SGCZ: variants seen among roughly 807,000 people sequenced by gnomAD.
The protein encoded by SGCZ is zeta-sarcoglycan.
Under a neutral mutation model 41.3 loss-of-function variants are expected in SGCZ, and 40 were observed. That is an observed-to-expected ratio of 0.97 (90% confidence interval 0.75 to 1.26). The LOEUF (loss-of-function observed/expected upper bound fraction) is 1.26, where lower values mean the gene tolerates loss of function less well. Ranked by LOEUF, SGCZ falls within the 50% of genes most tolerant of loss-of-function variation. SGCZ has a pLI of 0.00. For synonymous variants in SGCZ, 206 were observed against 137.5 expected (o/e 1.50, Z -3.49); for missense variants, 552 against 369.8 (o/e 1.49, Z -4.04).
rs1765981189 is a variant in SGCZ, at chr8:14,086,282, T to C, written c.*4161A>G. On this transcript the variant is annotated 3_prime_UTR_variant, in exon 8 of 8. Coordinates refer to ENST00000382080, the MANE Select transcript of SGCZ (RefSeq NM_139167.4). Reference sequence around the variant, plus strand: ...AATGATTTTAATAATTTAACATTATTATGTTGACATTCTCTGCTATGAAAT... The same window carrying C: ...AATGATTTTAATAATTTAACATTATCATGTTGACATTCTCTGCTATGAAAT... Among the ~76,000 whole-genome samples the C allele has an allele frequency of 6.6e-6, 1 of 151,722 alleles. No individual in the cohort carries two copies. The highest frequency in any genetic ancestry group is 1.5e-5 in the Non-Finnish European group (1 of 67,760).
intron 1 of SGCZ, among the ~76,000 whole-genome samples, chr8:14,881,321 T>G (rs751075392): frequency 3.9e-5 from 6 of 152,108 alleles, no homozygotes; most frequent in Non-Finnish European, 8.8e-5. Flanking sequence ...AAAGAGGCTT[T>G]ATTTGTTTTT....
chr8:14,310,087 G>T (rs13255247), intron 3 of SGCZ, among the ~76,000 whole-genome samples: 1 of 151,902 alleles, frequency 6.6e-6, no homozygotes, highest in Non-Finnish European at 1.5e-5. Context: ...TATTTTGCTG[G>T]TTTGAAAGAT....
intron 1 of SGCZ, among the ~76,000 whole-genome samples, chr8:14,775,311 T>C (rs1380822559): frequency 6.6e-6 from 1 of 152,164 alleles, no homozygotes; most frequent in African/African-American, 2.4e-5. Flanking sequence ...TTCTAAATAG[T>C]AATATTGAGC....
chr8:14,447,911 G>T (rs1299696568), intron 2 of SGCZ, among the ~76,000 whole-genome samples: 5 of 152,108 alleles, frequency 3.3e-5, no homozygotes, highest in Non-Finnish European at 7.4e-5. Context: ...CACCTCATAT[G>T]ACTTATATGG....
At chr8:14,852,735 A>G (rs1803378702) in intron 1 of SGCZ, among the ~76,000 whole-genome samples, 1 of 152,142 alleles carries the variant, frequency 6.6e-6, no homozygotes, top group Non-Finnish European at 1.5e-5. Context: ...TTGGAGCAGG[A>G]CCATATTAAG....
intron 1 of SGCZ, among the ~76,000 whole-genome samples, chr8:15,067,562 C>A (rs1316342767): frequency 1.3e-5 from 2 of 152,104 alleles, no homozygotes; most frequent in Non-Finnish European, 2.9e-5. Context: ...ATATAAGTAT[C>A]CATTATTGCT....
rs1053382484 is a variant in SGCZ, at chr8:14,088,959, G to A, written c.*1484C>T. On this transcript the variant is annotated 3_prime_UTR_variant, in exon 8 of 8. Coordinates refer to ENST00000382080, the MANE Select transcript of SGCZ (RefSeq NM_139167.4). ...AAATGTTGATAGTGTGCATGAGGGAGAAAAACGTTTGATTGACATGTGAAA... is the reference window on the plus strand; with the variant it reads ...AAATGTTGATAGTGTGCATGAGGGAAAAAAACGTTTGATTGACATGTGAAA... 1.3e-5 allele frequency among the ~76,000 whole-genome samples: 2 copies of A among 151,882 alleles called. No individual in the cohort carries two copies. The highest frequency in any genetic ancestry group is 1.3e-4 in the Admixed American group (2 of 15,196).
At chr8:15,203,388 G>A (rs914823613) in intron 1 of SGCZ, among the ~76,000 whole-genome samples, 3 of 152,088 alleles carry the variant, frequency 2.0e-5, no homozygotes, top group Non-Finnish European at 4.4e-5. Context: ...GGCATTGAGT[G>A]TACAAACCCC....
intron 1 of SGCZ, among the ~76,000 whole-genome samples, chr8:14,623,024 C>A (rs542166964): frequency 3.9e-5 from 6 of 152,062 alleles, no homozygotes; most frequent in Non-Finnish European, 7.4e-5. Flanking sequence ...TTTTCTGATA[C>A]CTTGGAGGGC....
intron 4 of SGCZ, among the ~76,000 whole-genome samples, chr8:14,195,716 G>GA (rs1029888583): frequency 7.2e-5 from 11 of 152,032 alleles, no homozygotes; most frequent in African/African-American, 2.4e-4. Context: ...ATTAATACTG[G>GA]AAAAAATGCA....
chr8:14,568,538 AT>A (rs576110166), intron 1 of SGCZ, among the ~76,000 whole-genome samples: 1 of 149,048 alleles, frequency 6.7e-6, no homozygotes, highest in Non-Finnish European at 1.5e-5. Flanking sequence ...TTGCTTTATG[AT>A]TTTTTTTGTG....
intron 2 of SGCZ, among the ~76,000 whole-genome samples, chr8:14,423,232 C>A (rs1799683935): frequency 6.6e-6 from 1 of 151,526 alleles, no homozygotes; most frequent in Non-Finnish European, 1.5e-5. Flanking sequence ...TTAATGGGTG[C>A]AGCACACCAG....
At chr8:15,038,474 T>G (rs1050463105) in intron 1 of SGCZ, among the ~76,000 whole-genome samples, 1 of 151,770 alleles carries the variant, frequency 6.6e-6, no homozygotes, top group Non-Finnish European at 1.5e-5. Flanking sequence ...ACTAAAGAGT[T>G]TAATATAAGA....
chr8:15,038,578 C>T (rs980544048), intron 1 of SGCZ, among the ~76,000 whole-genome samples: 1 of 151,014 alleles, frequency 6.6e-6, no homozygotes, highest in African/African-American at 2.4e-5. Flanking sequence ...ACCCCAAACG[C>T]ACAGGCAAAA....
intron 1 of SGCZ, among the ~76,000 whole-genome samples, chr8:14,909,605 A>C (rs1029920727): frequency 6.6e-6 from 1 of 152,134 alleles, no homozygotes; most frequent in African/African-American, 2.4e-5. Context: ...CAATAAGTTT[A>C]ACATAAATAT....
intron 2 of SGCZ, among the ~76,000 whole-genome samples, chr8:14,350,772 G>C (rs1803062521): frequency 6.6e-6 from 1 of 152,056 alleles, no homozygotes; most frequent in Admixed American, 6.6e-5. Context: ...CTCCTGAACA[G>C]AAAACTCTCT....
chr8:14,315,283 G>C (rs746781981), intron 3 of SGCZ, among the ~76,000 whole-genome samples: 3 of 152,052 alleles, frequency 2.0e-5, no homozygotes, highest in Non-Finnish European at 2.9e-5. Context: ...AGCAAATTAC[G>C]TTATATAGAA....
chr8:14,578,754 T>C (rs1052242334), intron 1 of SGCZ, among the ~76,000 whole-genome samples: 2 of 152,172 alleles, frequency 1.3e-5, no homozygotes, highest in African/African-American at 4.8e-5. Flanking sequence ...TTGGATTCAT[T>C]AGTCCATAAA....
intron 4 of SGCZ, among the ~76,000 whole-genome samples, chr8:14,221,858 G>T (rs527853029): frequency 2.0e-5 from 3 of 151,968 alleles, no homozygotes; most frequent in Non-Finnish European, 4.4e-5. Context: ...AATCTCGGGA[G>T]ACTGAGGCAG....
Sources: allele counts gnomAD v4.1 joint callset (sites outside exome capture counted in the v4.1 genomes callset), GRCh38; gene constraint gnomAD v4.1.1; transcripts MANE v1.5; gene names NCBI Gene and HGNC (gene_info 2026-07-23, HGNC 2026-07-21).